Variants in MTA3 observed in about 807,000 individuals in gnomAD.
MTA3 encodes metastasis-associated protein MTA3.
Under a neutral mutation model 83.5 loss-of-function variants are expected in MTA3, and 34 were observed. The observed-to-expected ratio is 0.41, with a 90% CI of 0.31 to 0.54. The LOEUF is 0.54. Among genes scored for constraint, MTA3 ranks in the 20% least tolerant of loss-of-function variants. The pLI is 0.33. For missense variants in MTA3, 761 were observed against 726.4 expected, an observed-to-expected ratio of 1.05 and a Z score of -0.55; for synonymous variants, 303 against 252.7, an observed-to-expected ratio of 1.20 and a Z score of -1.89.
intron 15 of MTA3, among the ~76,000 whole-genome samples, chr2:42,721,155 C>G (rs1667381832): frequency 6.6e-6 from 1 of 151,704 alleles, no homozygotes; most frequent in African/African-American, 2.4e-5. Flanking sequence ...AAACACTGTA[C>G]TAAGTGATTT....
intron 16 of MTA3, among the ~76,000 whole-genome samples, chr2:42,749,906 G>C (rs919756873): frequency 6.6e-6 from 1 of 152,018 alleles, no homozygotes; most frequent in African/African-American, 2.4e-5. Context: ...TCTCAGTTAA[G>C]AAAAAACAAC....
At chr2:42,606,414 C>T (rs1230519505) in intron 3 of MTA3, among the ~76,000 whole-genome samples, 1 of 151,654 alleles carries the variant, frequency 6.6e-6, no homozygotes, top group Non-Finnish European at 1.5e-5. Context: ...CTCCTCACCT[C>T]CCAGACGGGG....
At chr2:42,713,292 A>C (rs181104687) in intron 14 of MTA3, among the ~76,000 whole-genome samples, 1 of 152,308 alleles carries the variant, frequency 6.6e-6, no homozygotes, top group African/African-American at 2.4e-5. Flanking sequence ...GAAGTATCTC[A>C]AGACCCCACT....
chr2:42,739,802 G>A (rs558551753), intron 16 of MTA3, among the ~76,000 whole-genome samples: 10 of 152,286 alleles, frequency 6.6e-5, no homozygotes, highest in South Asian at 2.1e-4. Context: ...TGTTCACAGC[G>A]TGTTCAGGAG....
intron 2 of MTA3, among the ~76,000 whole-genome samples, chr2:42,558,587 ACT>A (rs1485561394): frequency 7.4e-6 from 1 of 135,466 alleles, no homozygotes; most frequent in African/African-American, 2.8e-5. Flanking sequence ...ACAGAGTCTC[ACT>A]CTCTCACCAG....
intron 14 of MTA3, among the ~76,000 whole-genome samples, chr2:42,717,172 A>C (rs1667092258): frequency 6.9e-6 from 1 of 145,072 alleles, no homozygotes; most frequent in African/African-American, 2.5e-5. Flanking sequence ...GCTAGAACTC[A>C]TAAAAACCTA....
chr2:42,618,591 T>C (rs184761809), intron 4 of MTA3, among the ~76,000 whole-genome samples: 1 of 152,180 alleles, frequency 6.6e-6, no homozygotes, highest in East Asian at 1.9e-4. Context: ...ACTGACATTT[T>C]GGTATATCAT....
intron 2 of MTA3, among the ~76,000 whole-genome samples, chr2:42,513,535 A>C (rs4953391): frequency 0.46 from 70,264 of 152,072 alleles, 16,777 homozygotes; most frequent in African/African-American, 0.56. Flanking sequence ...TAGTGAGGCC[A>C]CATCTAAACC....
chr2:42,609,070 C>G (rs1348633950), intron 3 of MTA3, among the ~76,000 whole-genome samples: 1 of 124,148 alleles, frequency 8.1e-6, no homozygotes, highest in Non-Finnish European at 1.6e-5. Flanking sequence ...CTTGCTCTTT[C>G]ACTCAGGCTG....
chr2:42,592,701 C>T (rs1371345746), intron 3 of MTA3, among the ~76,000 whole-genome samples: 1 of 152,196 alleles, frequency 6.6e-6, no homozygotes, highest in African/African-American at 2.4e-5. Flanking sequence ...TCTCAGTCCA[C>T]ATCTTGTCCC....
In MTA3 at chr2:42,570,381, G is replaced by T; in HGVS notation, c.29-56G>T. 3 of 1,145,490 alleles carry T rather than the reference G, an allele frequency of 2.6e-6. No individual in the cohort carries two copies. The South Asian group carries it at 4.3e-5, about 17-fold the overall frequency. 71.0% of individuals were successfully genotyped at this position (1,145,490 alleles called of 1,614,324 possible). A position where few individuals can be genotyped will look rare whatever the true frequency, so the allele number is the denominator to read the frequency against. On this transcript the variant is annotated intron_variant, in intron 1 of 16. Transcript: ENST00000405094. The stretch of plus-strand genomic sequence containing the variant: ...TGCCTAACATAAAAAGTCTTGGATT[G>T]ACAAATCTGAACTTTCTGTTAAAAA...
intron 6 of MTA3, among the ~76,000 whole-genome samples, chr2:42,649,155 G>A (rs1347107728): frequency 6.6e-6 from 1 of 152,148 alleles, no homozygotes; most frequent in Non-Finnish European, 1.5e-5. Flanking sequence ...AGCACTTTGG[G>A]AGGCTGAGGC....
At chr2:42,661,512 AAAAAAAAAAAAAAAAAG>A in intron 8 of MTA3, among the ~76,000 whole-genome samples, 1 of 141,878 alleles carries the variant, frequency 7.0e-6, no homozygotes, top group Middle Eastern at 3.6e-3. Flanking sequence ...GTCTCAAAAA[AAAAAAAAAAAAAAAAAG>A]AAAAAGATAT....
At chr2:42,728,917 T>C (rs7589449) in intron 16 of MTA3, among the ~76,000 whole-genome samples, 2 of 151,848 alleles carry the variant, frequency 1.3e-5, no homozygotes, top group African/African-American at 2.4e-5. Flanking sequence ...CTCTTCACTT[T>C]GTTGACTGTT....
At chr2:42,514,123 G>T (rs1379374520) in intron 2 of MTA3, among the ~76,000 whole-genome samples, 1 of 152,106 alleles carries the variant, frequency 6.6e-6, no homozygotes, top group African/African-American at 2.4e-5. Flanking sequence ...TGAGGCAGGA[G>T]AATCACTTGA....
chr2:42,573,223 C>T (rs1300925918), intron 2 of MTA3, among the ~76,000 whole-genome samples: 6 of 152,172 alleles, frequency 3.9e-5, no homozygotes, highest in Non-Finnish European at 5.9e-5. Flanking sequence ...CTCAAAATGC[C>T]ATCTGGTAAC....
At chr2:42,566,500 G>A (rs997263859), upstream of MTA3, among the ~76,000 whole-genome samples, 6 of 152,198 alleles carry the variant, frequency 3.9e-5, no homozygotes, top group African/African-American at 4.8e-5. Context: ...AGCAAAAAAC[G>A]GTTCTAAGGC....
chr2:42,547,114 C>T (rs1432733913), intron 2 of MTA3, among the ~76,000 whole-genome samples: 1 of 152,126 alleles, frequency 6.6e-6, no homozygotes, highest in African/African-American at 2.4e-5. Flanking sequence ...CCCCCAGAGA[C>T]AGATTTTGTA....
chr2:42,676,946 G>C (rs1043970320), intron 8 of MTA3, among the ~76,000 whole-genome samples: 3 of 152,058 alleles, frequency 2.0e-5, no homozygotes, highest in Non-Finnish European at 4.4e-5. Flanking sequence ...CATGAGGTTA[G>C]TTATTAAGAA....
Sources: gnomAD v4.1 joint callset for allele counts (sites outside exome capture counted in the v4.1 genomes callset) on GRCh38, gnomAD v4.1.1 for gene constraint, MANE v1.5 for transcripts, NCBI Gene and HGNC (gene_info 2026-07-23, HGNC 2026-07-21) for gene names.